DNAH6: variants seen among roughly 807,000 people sequenced by gnomAD.
DNAH6 encodes the protein dynein axonemal heavy chain 6, also known as axonemal beta dynein heavy chain 6.
In DNAH6, 340 loss-of-function variants were observed where a neutral mutation model predicts 491.4. That is an observed-to-expected ratio of 0.69 (90% CI 0.63 to 0.76). The LOEUF (loss-of-function observed/expected upper bound fraction) is 0.76. Ranked by LOEUF, DNAH6 falls within the 30% of genes least tolerant of loss-of-function variation. DNAH6 has a pLI of 0.00. For missense variants in DNAH6, 4,443 were observed against 4,972.2 expected, an observed-to-expected ratio of 0.89 and a Z score of 3.20; for synonymous variants, 1,603 against 1,686.1, an observed-to-expected ratio of 0.95 and a Z score of 1.21.
rs59497199 is a variant in DNAH6, at chr2:84,582,251, G to A, written c.2230-1748G>A. ...GATAGAGCCAGGTCTTTACAAAAAGGCCTCTCTCCTTCTCTCATCTCTGCT... is the reference window on the plus strand; with the variant it reads ...GATAGAGCCAGGTCTTTACAAAAAGACCTCTCTCCTTCTCTCATCTCTGCT... On this transcript the variant is annotated intron_variant, in intron 14 of 76. Transcript: ENST00000389394. Among the ~76,000 whole-genome samples, 1,058 of 152,150 alleles carry A rather than the reference G, an allele frequency of 7.0e-3. 14 individuals carry two copies. The highest frequency in any genetic ancestry group is 0.025 in the African/African-American group (1,029 of 41,518).
intron 31 of DNAH6, among the ~76,000 whole-genome samples, chr2:84,638,471 C>A (rs1689077974): frequency 6.6e-6 from 1 of 151,776 alleles, no homozygotes; most frequent in African/African-American, 2.4e-5. Context: ...TCCAGAAGAC[C>A]CCTTGTGTGC....
intron 60 of DNAH6, among the ~76,000 whole-genome samples, chr2:84,724,074 G>T (rs1409164359): frequency 6.6e-6 from 1 of 152,116 alleles, no homozygotes; most frequent in Non-Finnish European, 1.5e-5. Flanking sequence ...TGTTGGCAGT[G>T]CTGTCTCCTT....
chr2:84,462,143 A>G, the DNAH6 span, among the ~76,000 whole-genome samples: 1 of 152,222 alleles, frequency 6.6e-6, no homozygotes, highest in Admixed American at 6.5e-5. Flanking sequence ...CCTGGTGGAT[A>G]AAGGACAGGC....
At chr2:84,471,672 T>A in the DNAH6 span, among the ~76,000 whole-genome samples, 1 of 152,120 alleles carries the variant, frequency 6.6e-6, no homozygotes, top group Non-Finnish European at 1.5e-5. Flanking sequence ...AGTCTCCCGT[T>A]CCATGGTCGT....
intron 37 of DNAH6, among the ~76,000 whole-genome samples, chr2:84,664,287 A>G (rs976570494): frequency 6.6e-6 from 1 of 152,212 alleles, no homozygotes; most frequent in Admixed American, 6.5e-5. Context: ...TGCTCCAATT[A>G]AAAGACACAG....
intron 2 of DNAH6, among the ~76,000 whole-genome samples, chr2:84,521,575 A>G (rs911430360): frequency 6.6e-6 from 1 of 152,104 alleles, no homozygotes; most frequent in Admixed American, 6.6e-5. Flanking sequence ...GGTATTGCCT[A>G]CGTTGTCTTC....
Position 84,605,574 on chromosome 2 carries a change from C to T in DNAH6, c.3156C>T (p.Gly1052=), listed in dbSNP as rs764636852. ...ACTCCAAAGATGTGTTTATACTGGG[C>T]GGCACAGATGACATACAGGTGGGTA... ...HRDSKDVFIL[G]GTDDIQVLLD... Residue 1052 remains glycine, a synonymous_variant, in exon 20 of 77, where the codon GGC becomes GGT. Transcript: ENST00000389394. 123 of 1,550,762 alleles carry T rather than the reference C, an allele frequency of 7.9e-5. No homozygotes were observed. The highest frequency in any genetic ancestry group is 1.7e-4 in the Middle Eastern group (1 of 6,014).
At chr2:84,548,598 T>C (rs1679028339) in intron 8 of DNAH6, among the ~76,000 whole-genome samples, 181 bp downstream of exon 8, 1 of 152,056 alleles carries the variant, frequency 6.6e-6, no homozygotes, top group Admixed American at 6.5e-5. Flanking sequence ...AAATGAAAAG[T>C]AGAATCTTTT....
intron 64 of DNAH6, among the ~76,000 whole-genome samples, chr2:84,772,537 C>T (rs1161627760): frequency 2.6e-5 from 4 of 151,798 alleles, no homozygotes; most frequent in Non-Finnish European, 4.4e-5. Context: ...GACTTCAAGA[C>T]GAAAGTTGTT....
intron 33 of DNAH6, among the ~76,000 whole-genome samples, chr2:84,649,361 C>G (rs1053783050): frequency 6.6e-6 from 1 of 152,120 alleles, no homozygotes; most frequent in East Asian, 1.9e-4. Context: ...CTCATATTTT[C>G]ATTTTATCAT....
At position 84,611,874 on chromosome 2, in the gene DNAH6, A is replaced by G. The variant is rs1282456137; in HGVS notation, c.3475+20A>G. The stretch of plus-strand genomic sequence containing the variant: ...AGCCAGGTATGAAACAAAATTCCAA[A>G]CAAGCAAAAAGACTACAATCTTTTA... On this transcript the variant is annotated intron_variant, in intron 22 of 76. Transcript: ENST00000389394. The G allele has an allele frequency of 5.2e-6, 8 of 1,546,376 alleles. No individual in the cohort carries two copies. Among genetic ancestry groups the G allele is most frequent in the Non-Finnish European group, 7.0e-6 (8 of 1,144,346 alleles).
rs1005406803 is a variant in DNAH6 at position 84,621,200 on chromosome 2, G to A, written c.3802G>A (p.Gly1268Arg). 2.6e-6 allele frequency: 4 copies of A among 1,551,354 alleles called. No individual in the cohort carries two copies. The highest frequency in any genetic ancestry group is 1.4e-5 in the African/African-American group (1 of 73,034). Residue 1268 changes from glycine to arginine, a missense_variant, in exon 25 of 77, where the codon GGG (glycine) becomes AGG (arginine). By Grantham distance (125) the Gly-to-Arg change is moderately radical (BLOSUM62 -2). Around this residue, in one of 3 missense-constraint regions of DNAH6, gnomAD observed 2,977 missense variants for 3,296.6 expected, o/e 0.90. Transcript: ENST00000389394. ...LSPEGERVSLGKGLKARGNVE... is the reference protein window; with the variant it reads ...LSPEGERVSLRKGLKARGNVE... ...TCTGATTACCTTTTAGGTTAGCTTG[G>A]GGAAAGGCCTCAAGGCCCGAGGCAA...
At position 84,738,014 on chromosome 2, in the gene DNAH6, T is replaced by C. The variant is rs552106425; in HGVS notation, c.10342+4435T>C. Among the ~76,000 whole-genome samples, 13 of 152,280 alleles carry C rather than the reference T, an allele frequency of 8.5e-5. No homozygotes were observed. In the South Asian group the frequency reaches 2.5e-3, roughly 29 times the overall value. ...CTATAAACTCTCCTTTAACACTGCT[T>C]TGCTGCATCCCAGAGGTTTTGATAC... is the stretch of plus-strand genomic sequence containing the variant. On this transcript the variant is annotated intron_variant, in intron 62 of 76. Transcript: ENST00000389394.
chr2:84,693,184 C>T (rs150653499), intron 45 of DNAH6, among the ~76,000 whole-genome samples: 29 of 152,156 alleles, frequency 1.9e-4, no homozygotes, highest in African/African-American at 6.3e-4. Flanking sequence ...TTTGTTTCTC[C>T]GAGATTTGCC....
chr2:84,544,289 C>A lies in DNAH6; in HGVS notation c.719C>A (p.Ala240Glu). 5 of 1,521,508 alleles carry A rather than the reference C, an allele frequency of 3.3e-6. No individual in the cohort carries two copies. Among genetic ancestry groups the A allele is most frequent in the African/African-American group, 1.4e-5 (1 of 72,648 alleles). The allele number at this position is 1,521,508 out of a possible 1,614,324, so 94.3% of individuals were successfully genotyped here. Residue 240 changes from alanine (A) to glutamate (E), a missense_variant, in exon 5 of 77, where the codon GCA becomes GAA. Physicochemically the swap from Ala to Glu is moderately radical, Grantham distance 107 (BLOSUM62 -1). Coordinates refer to ENST00000389394, the MANE Select transcript of DNAH6 (RefSeq NM_001370.2). ...KNDYYTISQRAVTHIYNEDIE... is the reference protein window; with the variant it reads ...KNDYYTISQREVTHIYNEDIE... ...GACTACTATACTATTAGCCAAAGGG[C>A]AGTAACACACATTTATAATGAAGAC...
At chr2:84,773,959 T>C (rs928329857) in intron 64 of DNAH6, among the ~76,000 whole-genome samples, 1 of 152,080 alleles carries the variant, frequency 6.6e-6, no homozygotes, top group African/African-American at 2.4e-5. Flanking sequence ...TTAACTTTCT[T>C]ATAGATTCTG....
chr2:84,589,084 A>G, intron 16 of DNAH6, 130 bp downstream of exon 16: 2 of 767,804 alleles, frequency 2.6e-6, no homozygotes, highest in Non-Finnish European at 3.8e-6. Flanking sequence ...GCATGCTACA[A>G]ATAGTCTCAA....
chr2:84,677,119 C>G lies in DNAH6; in HGVS notation c.6727C>G (p.Leu2243Val), dbSNP rs1693312811. 1.9e-6 allele frequency: 3 copies of G among 1,551,714 alleles called. No individual in the cohort carries two copies. Among genetic ancestry groups the G allele is most frequent in the Non-Finnish European group, 2.6e-6 (3 of 1,146,958 alleles). The change falls in exon 41 of 77, where the codon CTG becomes GTG. Residue 2243 changes from leucine to valine, a missense_variant. Physicochemically the swap from Leu to Val is conservative, Grantham distance 32. Around this residue, in one of 3 missense-constraint regions of DNAH6, gnomAD observed 2,977 missense variants for 3,296.6 expected, o/e 0.90. Coordinates refer to ENST00000389394, the MANE Select transcript of DNAH6 (RefSeq NM_001370.2). ...LCLPMPSEHS[L>V]KQIFQAILNG... is the part of the protein sequence containing the mutation. The stretch of plus-strand genomic sequence containing the variant: ...CCTCCCAATGCCCTCAGAGCACAGT[C>G]TGAAACAGATTTTTCAGGTGAGTGT...
At chr2:84,480,393 T>C in the DNAH6 span, among the ~76,000 whole-genome samples, 5 of 152,210 alleles carry the variant, frequency 3.3e-5, no homozygotes, top group African/African-American at 1.2e-4. Context: ...CCAAAGATTA[T>C]GGTTTTGTTG....
Sources: gnomAD v4.1 joint callset for allele counts (sites outside exome capture counted in the v4.1 genomes callset) on GRCh38, gnomAD v4.1.1 for gene constraint, gnomAD v4.1.1 regional missense constraint, MANE v1.5 for transcripts, NCBI Gene and HGNC (gene_info 2026-07-23, HGNC 2026-07-21) for gene names.